Variants in RBFOX1 observed in about 807,000 individuals in gnomAD.
RBFOX1 encodes RNA binding fox-1 homolog 1.
A neutral mutation model predicts 57.7 loss-of-function variants in RBFOX1; 8 were observed. The ratio of observed to expected loss-of-function variants is 0.14; its 90% CI spans 0.08 to 0.25. The LOEUF is 0.25. RBFOX1 is among the 10% of genes least tolerant of loss of function. The pLI is 1.00. For missense variants in RBFOX1, 611 were observed against 548.5 expected, an observed-to-expected ratio of 1.11 and a Z score of -1.14; for synonymous variants, 326 against 222.4, an observed-to-expected ratio of 1.47 and a Z score of -4.15.
At chr16:5,443,482 C>T (rs1172527965) in intron 1 of RBFOX1, among the ~76,000 whole-genome samples, 2 of 152,120 alleles carry the variant, frequency 1.3e-5, no homozygotes, top group South Asian at 2.1e-4. Context: ...GGATTACAGG[C>T]ACACGCCACC....
chr16:6,511,318 A>T (rs775469808), intron 2 of RBFOX1, among the ~76,000 whole-genome samples: 1 of 152,166 alleles, frequency 6.6e-6, no homozygotes, highest in South Asian at 2.1e-4. Context: ...ACACATGCAA[A>T]TTGCCTAAAA....
intron 1 of RBFOX1, among the ~76,000 whole-genome samples, chr16:6,083,394 G>C (rs1486909042): frequency 6.6e-6 from 1 of 152,324 alleles, no homozygotes; most frequent in East Asian, 1.9e-4. Context: ...TTTAAAACAT[G>C]TGTTCCTAGA....
At chr16:5,460,596 C>A (rs1485762562) in intron 1 of RBFOX1, among the ~76,000 whole-genome samples, 5 of 152,168 alleles carry the variant, frequency 3.3e-5, no homozygotes, top group African/African-American at 9.7e-5. Context: ...GGTGAGGGCT[C>A]GGCTGACAGT....
intron 2 of RBFOX1, among the ~76,000 whole-genome samples, chr16:6,548,472 G>C (rs113037687): frequency 2.6e-5 from 4 of 152,244 alleles, no homozygotes; most frequent in African/African-American, 9.6e-5. Context: ...AAGGTTACAA[G>C]GATGTTTACA....
rs2081196900 is a variant in RBFOX1, at chr16:6,317,002, G to A, written c.-119G>A. 1 of 1,535,166 alleles carries A rather than the reference G, an allele frequency of 6.5e-7. No individual in the cohort carries two copies. The highest frequency in any genetic ancestry group is 8.7e-7 in the Non-Finnish European group (1 of 1,146,400). On this transcript the variant is annotated 5_prime_UTR_variant, in exon 2 of 16. Transcript: ENST00000550418. ...CCCCTTTTTCTTCTTTAGGAAACTG[G>A]TCAAAGAACTCATGCAAGTGGAACT...
Position 5,424,923 on chromosome 16 carries a change from CTT to C in RBFOX1, c.220-42291_220-42290del, listed in dbSNP as rs1167230941. Among the ~76,000 whole-genome samples the C allele has an allele frequency of 5.1e-3, 457 of 89,670 alleles. 28 individuals carry two copies. The highest frequency in any genetic ancestry group is 0.02 in the African/African-American group (443 of 22,178). 58.8% of individuals were successfully genotyped at this position (89,670 alleles called of 152,430 possible). On this transcript the variant is annotated intron_variant, in intron 1 of 2. Transcript: ENST00000585867. ...TCTTTCTTTCTTTCTTTCTTTCTTT[CTT>C]TCTTTCTTTCTCTCTCTTCTTTCTT...
At chr16:7,289,339 C>T (rs185672859) in intron 4 of RBFOX1, among the ~76,000 whole-genome samples, 6 of 151,534 alleles carry the variant, frequency 4.0e-5, no homozygotes, top group Admixed American at 6.6e-5. Context: ...GGTCAATGTA[C>T]ATTGCCTTAC....
At chr16:6,980,230 GC>G (rs564160017) in intron 3 of RBFOX1, among the ~76,000 whole-genome samples, 1 of 152,078 alleles carries the variant, frequency 6.6e-6, no homozygotes, top group Non-Finnish European at 1.5e-5. Flanking sequence ...AAAAATTACC[GC>G]AAAATTTTAT....
At chr16:6,163,452 T>C (rs907172918) in intron 1 of RBFOX1, among the ~76,000 whole-genome samples, 1 of 152,244 alleles carries the variant, frequency 6.6e-6, no homozygotes, top group Non-Finnish European at 1.5e-5. Context: ...TTGGTTATGC[T>C]AAATACGTTA....
chr16:5,594,057 C>G (rs933501759), intron 2 of RBFOX1, among the ~76,000 whole-genome samples: 1 of 152,044 alleles, frequency 6.6e-6, no homozygotes, highest in Non-Finnish European at 1.5e-5. Context: ...TGGAGCTTTG[C>G]ACAATGTTGG....
At chr16:6,818,356 C>T (rs59432065) in intron 3 of RBFOX1, among the ~76,000 whole-genome samples, 16,887 of 152,084 alleles carry the variant, frequency 0.11, 1,166 homozygotes, top group Non-Finnish European at 0.15. Context: ...TCACCTCACC[C>T]ATCCCACAAG....
chr16:5,574,832 G>T (rs1035864247), intron 2 of RBFOX1, among the ~76,000 whole-genome samples: 1 of 152,168 alleles, frequency 6.6e-6, no homozygotes, highest in Non-Finnish European at 1.5e-5. Flanking sequence ...GTCTCATTTT[G>T]CAAGAAAGGC....
intron 4 of RBFOX1, among the ~76,000 whole-genome samples, chr16:7,299,548 G>T (rs564204205): frequency 6.6e-6 from 1 of 152,148 alleles, no homozygotes; most frequent in Non-Finnish European, 1.5e-5. Flanking sequence ...TGCCTGGGAC[G>T]AAGCCCTTTA....
chr16:5,435,702 C>T (rs1439702915), intron 1 of RBFOX1, among the ~76,000 whole-genome samples: 1 of 152,200 alleles, frequency 6.6e-6, no homozygotes, highest in Non-Finnish European at 1.5e-5. Flanking sequence ...TGATCTCAAG[C>T]TGCCATATTG....
At chr16:5,507,828 C>T (rs916001273) in intron 2 of RBFOX1, among the ~76,000 whole-genome samples, 2 of 152,164 alleles carry the variant, frequency 1.3e-5, no homozygotes, top group African/African-American at 2.4e-5. Flanking sequence ...CCACCAGAAG[C>T]TGGGAAGACG....
chr16:7,432,253 A>T (rs905069514), intron 4 of RBFOX1, among the ~76,000 whole-genome samples: 1 of 152,194 alleles, frequency 6.6e-6, no homozygotes, highest in South Asian at 2.1e-4. Context: ...GAGTCTCCCA[A>T]GGTGGGATAG....
At chr16:6,680,557 C>G (rs923564347) in intron 3 of RBFOX1, among the ~76,000 whole-genome samples, 1 of 152,180 alleles carries the variant, frequency 6.6e-6, no homozygotes, top group East Asian at 1.9e-4. Flanking sequence ...GCCACCGCGT[C>G]CGGCCCTCTT....
At chr16:6,005,592 G>C (rs1003751837) in intron 4 of RBFOX1, among the ~76,000 whole-genome samples, 1 of 152,172 alleles carries the variant, frequency 6.6e-6, no homozygotes, top group Non-Finnish European at 1.5e-5. Context: ...TGTGTTGCAG[G>C]ATATTAAACA....
chr16:7,333,966 T>C (rs1603623786), intron 4 of RBFOX1, among the ~76,000 whole-genome samples: 1 of 152,178 alleles, frequency 6.6e-6, no homozygotes, highest in East Asian at 1.9e-4. Flanking sequence ...GTATCTCCTT[T>C]CTACAGAAAA....
Sources: allele counts gnomAD v4.1 joint callset (sites outside exome capture counted in the v4.1 genomes callset), GRCh38; gene constraint gnomAD v4.1.1; transcripts MANE v1.5; gene names NCBI Gene and HGNC (gene_info 2026-07-23, HGNC 2026-07-21).